The following AKT3 variants were observed in gnomAD, a reference collection of about 807,000 sequenced individuals.
AKT3 encodes RAC-gamma serine/threonine-protein kinase.
Under a neutral mutation model 65.3 loss-of-function variants are expected in AKT3, and 15 were observed. That is an observed-to-expected ratio of 0.23 (90% CI 0.15 to 0.35). AKT3 has a LOEUF of 0.35. Ranked by LOEUF, AKT3 falls within the 10% of genes least tolerant of loss-of-function variation. The pLI is 1.00. For synonymous variants in AKT3, 206 were observed against 183.8 expected (o/e 1.12, Z -0.98); for missense variants, 243 against 576.5 (o/e 0.42, Z 5.92).
At chr1:243,701,960 GTTT>G (rs953804934) in intron 2 of AKT3, among the ~76,000 whole-genome samples, 6 of 151,994 alleles carry the variant, frequency 3.9e-5, no homozygotes, top group Admixed American at 3.9e-4. Context: ...AAGTCACAAA[GTTT>G]TTACCATGTA....
intron 8 of AKT3, among the ~76,000 whole-genome samples, chr1:243,590,156 G>C (rs1355808414): frequency 1.3e-5 from 2 of 152,052 alleles, no homozygotes; most frequent in Non-Finnish European, 2.9e-5. Context: ...GTAAGTTCTG[G>C]GGATTTAATG....
At chr1:243,689,812 G>A (rs1176043075) in intron 3 of AKT3, among the ~76,000 whole-genome samples, 1 of 151,864 alleles carries the variant, frequency 6.6e-6, no homozygotes, top group African/African-American at 2.4e-5. Flanking sequence ...AGATGAGGTG[G>A]CATGCAGCTG....
At chr1:243,498,958 C>T (rs906900496), downstream of AKT3, among the ~76,000 whole-genome samples, 3 of 152,348 alleles carry the variant, frequency 2.0e-5, no homozygotes, top group Non-Finnish European at 4.4e-5. Flanking sequence ...ATCTAGAGGG[C>T]GAGGACTGTG....
At chr1:243,643,762 TA>T (rs1680611244) in intron 5 of AKT3, among the ~76,000 whole-genome samples, 1 of 152,266 alleles carries the variant, frequency 6.6e-6, no homozygotes, top group African/African-American at 2.4e-5. Context: ...CTTTTAATCC[TA>T]TTGCCATTTG....
In AKT3 at chr1:243,502,804, G is replaced by C. The variant is rs1558570494; in HGVS notation, c.*2445C>G. Reference sequence around the variant, plus strand: ...TGAGAGCCAGTGTGAGGAGTGGCCCGCCTGGGGCAATGTCAGTGCCAGTCA... The same window carrying C: ...TGAGAGCCAGTGTGAGGAGTGGCCCCCCTGGGGCAATGTCAGTGCCAGTCA... On this transcript the variant is annotated 3_prime_UTR_variant, in exon 14 of 14. Transcript: ENST00000673466. The C allele has an allele frequency of 4.3e-6, 1 of 233,128 alleles. No homozygotes were observed. The highest frequency in any genetic ancestry group is 2.2e-5 in the African/African-American group (1 of 45,348). 14.4% of individuals were successfully genotyped at this position (233,128 alleles called of 1,614,324 possible). A position where few individuals can be genotyped will look rare whatever the true frequency, so the allele number is the denominator to read the frequency against.
chr1:243,501,820 TC>T lies in AKT3; in HGVS notation c.*3428del, dbSNP rs1395693309. 4.3e-6 allele frequency: 1 copy of T among 232,772 alleles called. No individual in the cohort carries two copies. Among genetic ancestry groups the T allele is most frequent in the Non-Finnish European group, 8.5e-6 (1 of 117,872 alleles). 14.4% of individuals were successfully genotyped at this position (232,772 alleles called of 1,614,324 possible). On this transcript the variant is annotated 3_prime_UTR_variant, in exon 14 of 14. Coordinates refer to ENST00000673466, the MANE Select transcript of AKT3 (RefSeq NM_005465.7). The stretch of plus-strand genomic sequence containing the variant: ...TCTGTACGAAGGAAAATCATGTTCA[TC>T]CCTATCATATACGTGTAAAAATACT...
In AKT3 at chr1:243,503,936, A is replaced by G. The variant is rs1669507005; in HGVS notation, c.*1313T>C. The G allele has an allele frequency of 8.8e-6, 2 of 226,432 alleles. No individual in the cohort carries two copies. The highest frequency in any genetic ancestry group is 1.1e-4 in the Admixed American group (2 of 17,530). The allele number at this position is 226,432 out of a possible 1,614,324, so 14.0% of individuals were successfully genotyped here. A position where few individuals can be genotyped will look rare whatever the true frequency, so the allele number is the denominator to read the frequency against. On this transcript the variant is annotated 3_prime_UTR_variant, in exon 14 of 14. Transcript: ENST00000673466. ...TAACGTTTCAAATTCTTAAATGAGCAAACGTCAACAGCTATTTGTTTCATT... is the reference window on the plus strand; with the variant it reads ...TAACGTTTCAAATTCTTAAATGAGCGAACGTCAACAGCTATTTGTTTCATT...
intron 12 of AKT3, among the ~76,000 whole-genome samples, chr1:243,517,872 T>G (rs766828946): frequency 1.3e-5 from 2 of 152,234 alleles, no homozygotes; most frequent in Non-Finnish European, 2.9e-5. Context: ...AACTTTGTGT[T>G]GCACTAATGT....
intron 2 of AKT3, among the ~76,000 whole-genome samples, chr1:243,838,266 G>C (rs998529716): frequency 6.6e-6 from 1 of 152,042 alleles, no homozygotes; most frequent in Admixed American, 6.6e-5. Flanking sequence ...AATACCATTA[G>C]AAAATAAATT....
chr1:243,646,109 A>C (rs1348933649), intron 4 of AKT3, 72 bp from the exon 5 acceptor site: 1 of 1,280,310 alleles, frequency 7.8e-7, no homozygotes, highest in East Asian at 2.5e-5. Context: ...TTTATAAACT[A>C]TGAAATCAAT....
At chr1:243,838,209 G>A (rs1332092986) in intron 2 of AKT3, among the ~76,000 whole-genome samples, 1 of 152,074 alleles carries the variant, frequency 6.6e-6, no homozygotes, top group Non-Finnish European at 1.5e-5. Context: ...TCTAAGAAAA[G>A]CTAATTTCAC....
chr1:243,770,177 T>G (rs553328432), intron 2 of AKT3, among the ~76,000 whole-genome samples: 19 of 152,308 alleles, frequency 1.2e-4, no homozygotes, highest in Non-Finnish European at 2.6e-4. Flanking sequence ...CTCTCCTCTA[T>G]GTCTCTTTTT....
intron 8 of AKT3, among the ~76,000 whole-genome samples, chr1:243,583,540 CAAAA>C (rs1294857854): frequency 3.3e-5 from 1 of 30,014 alleles, no homozygotes; most frequent in Non-Finnish European, 7.3e-5. Context: ...AAGTAAGTCT[CAAAA>C]AAAAAAAAAA....
In AKT3 at chr1:243,592,330, G is replaced by A. The variant is rs536435327; in HGVS notation, c.697-19282C>T. On this transcript the variant is annotated intron_variant, in intron 8 of 13. Transcript: ENST00000673466. ...AGCCTGGGCGACAGAGCGAGACTCC[G>A]TCTCAAAAAAAAAAAAGACAAAAAA... Among the ~76,000 whole-genome samples, 8 of 149,572 alleles carry A rather than the reference G, an allele frequency of 5.3e-5. No homozygotes were observed. In the East Asian group the frequency reaches 7.9e-4, roughly 15 times the overall value.
At chr1:243,509,559 T>C (rs1558576552) in intron 13 of AKT3, among the ~76,000 whole-genome samples, 3 of 152,190 alleles carry the variant, frequency 2.0e-5, no homozygotes. Flanking sequence ...CATTTTGATT[T>C]GCTCTGGTCT....
chr1:243,638,676 A>G (rs949195811), intron 5 of AKT3, among the ~76,000 whole-genome samples: 1 of 152,176 alleles, frequency 6.6e-6, no homozygotes, highest in Non-Finnish European at 1.5e-5. Context: ...AGGTTTATAA[A>G]TATCAAATAA....
chr1:243,827,186 T>C (rs1694223500), intron 2 of AKT3, among the ~76,000 whole-genome samples: 1 of 152,164 alleles, frequency 6.6e-6, no homozygotes, highest in South Asian at 2.1e-4. Flanking sequence ...TATTAACTAA[T>C]ACAGGTAGAA....
In AKT3 at chr1:243,718,529, G is replaced by A. The variant is rs1306442956; in HGVS notation, c.47-22813C>T. Among the ~76,000 whole-genome samples, 103 of 151,866 alleles carry A rather than the reference G, an allele frequency of 6.8e-4. 1 individual carries two copies. The highest frequency in any genetic ancestry group is 5.8e-4 in the East Asian group (3 of 5,168). On this transcript the variant is annotated intron_variant, in intron 2 of 13. Transcript: ENST00000673466. ...CAGTGGCATGATCTTGGCTCACTGC[G>A]ATCTCTGCCTCCTGGATTCAAGTGA... is the stretch of plus-strand genomic sequence containing the variant.
chr1:243,739,444 T>C (rs964322490), intron 2 of AKT3: 1 of 152,180 alleles, frequency 6.6e-6, no homozygotes, highest in Admixed American at 6.5e-5. Flanking sequence ...AAGGAAAACA[T>C]ATTGTTTAAA....
Sources: gnomAD v4.1 joint callset for allele counts (sites outside exome capture counted in the v4.1 genomes callset) on GRCh38, gnomAD v4.1.1 for gene constraint, MANE v1.5 for transcripts, NCBI Gene and HGNC (gene_info 2026-07-23, HGNC 2026-07-21) for gene names.